Variants in CELF2 observed in about 807,000 individuals in gnomAD.
CELF2 encodes the protein CUG triplet repeat RNA-binding protein 2.
CELF2 carries 8 observed loss-of-function variants against 62.6 expected under a neutral mutation model. That is an observed-to-expected ratio of 0.13 (90% CI 0.07 to 0.23). The LOEUF (loss-of-function observed/expected upper bound fraction) is 0.23, where lower values mean the gene tolerates loss of function less well. Among genes scored for constraint, CELF2 ranks in the 10% least tolerant of loss-of-function variants. The pLI is 1.00. For missense variants in CELF2, 333 were observed against 671.0 expected, an observed-to-expected ratio of 0.50 and a Z score of 5.56; for synonymous variants, 258 against 250.0, an observed-to-expected ratio of 1.03 and a Z score of -0.30.
chr10:10,984,660 CAAAT>C (rs2052535418), intron 2 of CELF2, among the ~76,000 whole-genome samples: 2 of 152,108 alleles, frequency 1.3e-5, no homozygotes. Flanking sequence ...GTTAGGCTGA[CAAAT>C]AAATATACTA....
At chr10:10,491,793 A>G in the CELF2 span, among the ~76,000 whole-genome samples, 11 of 152,158 alleles carry the variant, frequency 7.2e-5, no homozygotes, top group African/African-American at 2.7e-4. Flanking sequence ...CTAGTTGTCT[A>G]TGTCTTTCTT....
intron 1 of CELF2, among the ~76,000 whole-genome samples, chr10:11,027,299 C>A (rs984438843): frequency 6.6e-6 from 1 of 152,168 alleles, no homozygotes; most frequent in African/African-American, 2.4e-5. Flanking sequence ...CTGCTCGTTC[C>A]CCCTTTTCTT....
In CELF2 at chr10:10,995,140, G is replaced by T. The variant is rs998112790; in HGVS notation, c.89+75141G>T. Among the ~76,000 whole-genome samples the T allele has an allele frequency of 6.6e-6, 1 of 152,150 alleles. No homozygotes were observed. The highest frequency in any genetic ancestry group is 2.4e-5 in the African/African-American group (1 of 41,426). On this transcript the variant is annotated intron_variant, in intron 2 of 13. Transcript: ENST00000636488. The surrounding 1 kb of genome is among the most constrained non-coding windows in gnomAD (Gnocchi z 4.7). ...TCTAACTTGGTTATAAGTTCCTTAA[G>T]GGCAGGAGCTATGCCCCGTGCCTCT...
chr10:11,022,275 T>G (rs2058455482), intron 1 of CELF2, among the ~76,000 whole-genome samples: 1 of 152,232 alleles, frequency 6.6e-6, no homozygotes, highest in Non-Finnish European at 1.5e-5. Flanking sequence ...AGAGGAAGAA[T>G]TCATCCCACA....
chr10:11,320,599 G>A (rs1353989963), intron 10 of CELF2, among the ~76,000 whole-genome samples: 1 of 151,860 alleles, frequency 6.6e-6, no homozygotes, highest in Non-Finnish European at 1.5e-5. Flanking sequence ...TCATCATTCA[G>A]CTGTTTAGAA....
intron 1 of CELF2, among the ~76,000 whole-genome samples, chr10:11,058,460 G>T (rs2477019): frequency 0.33 from 46,438 of 138,794 alleles, 8,180 homozygotes; most frequent in African/African-American, 0.43. Context: ...TTTTTTTGTT[G>T]GTTTTTTTTT....
At chr10:10,558,883 C>T in the CELF2 span, among the ~76,000 whole-genome samples, 1 of 152,086 alleles carries the variant, frequency 6.6e-6, no homozygotes, top group Non-Finnish European at 1.5e-5. Flanking sequence ...TGTGACTGAG[C>T]TTATTAAATG....
At chr10:10,729,548 A>G in the CELF2 span, among the ~76,000 whole-genome samples, 1 of 152,210 alleles carries the variant, frequency 6.6e-6, no homozygotes, top group African/African-American at 2.4e-5. Context: ...CAAAGATAAG[A>G]TAAGACAAAG....
At chr10:10,855,526 T>G (rs1489449198) in intron 1 of CELF2, among the ~76,000 whole-genome samples, 1 of 152,216 alleles carries the variant, frequency 6.6e-6, no homozygotes, top group Non-Finnish European at 1.5e-5. Context: ...CACTGGCACA[T>G]AAATCCTACA....
At chr10:11,187,930 G>A (rs1040699782) in intron 2 of CELF2, among the ~76,000 whole-genome samples, 5 of 151,966 alleles carry the variant, frequency 3.3e-5, no homozygotes, top group African/African-American at 4.8e-5. Flanking sequence ...TAATACTTCC[G>A]TGCTCCGTTC....
chr10:11,325,793 G>C, intron 11 of CELF2, 43 bp from the exon 12 acceptor site: 1 of 1,561,028 alleles, frequency 6.4e-7, no homozygotes, highest in Non-Finnish European at 8.7e-7. Context: ...TGGAAACTAA[G>C]ACTCAAGGGA....
the CELF2 span, among the ~76,000 whole-genome samples, chr10:10,740,585 TC>T: frequency 5.3e-5 from 8 of 151,966 alleles, no homozygotes; most frequent in African/African-American, 1.7e-4. Flanking sequence ...GTACCCGCCC[TC>T]CCAAAAAAAA....
chr10:10,994,084 A>T (rs1245600826), intron 2 of CELF2, among the ~76,000 whole-genome samples: 1 of 152,240 alleles, frequency 6.6e-6, no homozygotes, highest in African/African-American at 2.4e-5. Context: ...GCCCTAGCTG[A>T]CTAACACAAG....
chr10:10,540,854 C>T, the CELF2 span, among the ~76,000 whole-genome samples: 1 of 152,148 alleles, frequency 6.6e-6, no homozygotes, highest in Non-Finnish European at 1.5e-5. Context: ...GTATGCTAAT[C>T]CAAAGGAATT....
chr10:10,970,287 G>C (rs2050626416), intron 2 of CELF2, among the ~76,000 whole-genome samples: 1 of 152,022 alleles, frequency 6.6e-6, no homozygotes, highest in Non-Finnish European at 1.5e-5. Context: ...GGCTGGTCTT[G>C]AACTCCTGGC....
At position 10,962,949 on chromosome 10, in the gene CELF2, A is replaced by G. The variant is rs868271681; in HGVS notation, c.89+42950A>G. 1.6e-4 allele frequency among the ~76,000 whole-genome samples: 24 copies of G among 152,136 alleles called. 1 individual carries two copies. Among genetic ancestry groups the G allele is most frequent in the African/African-American group, 4.8e-4 (20 of 41,400 alleles). On this transcript the variant is annotated intron_variant, in intron 2 of 13. Coordinates refer to the CELF2 transcript ENST00000636488. ...GAGTCATGTTTTCATCAAACGTGCAATGCCATCTTGGTAAGTCAAATGGAT... is the reference window on the plus strand; with the variant it reads ...GAGTCATGTTTTCATCAAACGTGCAGTGCCATCTTGGTAAGTCAAATGGAT...
At chr10:10,558,040 T>C in the CELF2 span, among the ~76,000 whole-genome samples, 2 of 146,890 alleles carry the variant, frequency 1.4e-5, no homozygotes, top group Middle Eastern at 3.6e-3. Context: ...TTCTCCTGCC[T>C]AATTGCCCTG....
chr10:10,505,466 T>A, the CELF2 span, among the ~76,000 whole-genome samples: 1 of 151,960 alleles, frequency 6.6e-6, no homozygotes, highest in African/African-American at 2.4e-5. Context: ...AAAGACACCT[T>A]ATTACTGCAA....
chr10:11,016,003 T>A (rs2057207704), upstream of CELF2, among the ~76,000 whole-genome samples: 1 of 152,270 alleles, frequency 6.6e-6, no homozygotes, highest in Non-Finnish European at 1.5e-5. This position sits in a 1 kb window ranked among gnomAD's most constrained non-coding sequence, Gnocchi z 5.2. Flanking sequence ...TCATTTTGAT[T>A]AATGCAGTTG....
Sources: gnomAD v4.1 joint callset for allele counts (sites outside exome capture counted in the v4.1 genomes callset) on GRCh38, gnomAD v4.1.1 for gene constraint, Gnocchi (gnomAD v3.1) non-coding constraint, MANE v1.5 for transcripts, NCBI Gene and HGNC (gene_info 2026-07-23, HGNC 2026-07-21) for gene names.